The following METTL15 variants were observed in gnomAD, a reference collection of about 807,000 sequenced individuals.
METTL15 encodes the protein methyltransferase 15, mitochondrial 12S rRNA N4-cytidine, also known as 12S rRNA N(4)-cytidine methyltransferase METTL15.
METTL15 carries 34 observed loss-of-function variants against 38.3 expected under a neutral mutation model. The observed-to-expected ratio is 0.89, with a 90% CI of 0.68 to 1.18. The LOEUF (loss-of-function observed/expected upper bound fraction) is 1.18, where lower values mean the gene tolerates loss of function less well. Among genes scored for constraint, METTL15 ranks in the 50% most tolerant of loss-of-function variants. The probability of loss-of-function intolerance (pLI) is 0.00; values close to 1 mark genes in which losing one functional copy is unlikely to be tolerated. For synonymous variants in METTL15, 162 were observed against 170.9 expected (o/e 0.95, Z 0.41); for missense variants, 438 against 498.4 (o/e 0.88, Z 1.15).
At chr11:28,473,705 G>A (rs542363871) in intron 6 of METTL15, among the ~76,000 whole-genome samples, 2 of 152,194 alleles carry the variant, frequency 1.3e-5, no homozygotes, top group African/African-American at 4.8e-5. Flanking sequence ...AGGAGATAAA[G>A]AATGGCATTC....
At chr11:28,217,682 A>G (rs1206451581) in intron 4 of METTL15, among the ~76,000 whole-genome samples, 1 of 152,064 alleles carries the variant, frequency 6.6e-6, no homozygotes. Flanking sequence ...TAGGGTTTTT[A>G]TGGTTTTAGG....
chr11:28,293,339 C>A (rs1235738599), intron 5 of METTL15, among the ~76,000 whole-genome samples: 1 of 152,140 alleles, frequency 6.6e-6, no homozygotes, highest in Non-Finnish European at 1.5e-5. Context: ...TTGTTTTTGT[C>A]AGGTTTGTCA....
intron 4 of METTL15, among the ~76,000 whole-genome samples, chr11:28,218,669 C>A (rs1036378521): frequency 6.6e-6 from 1 of 152,138 alleles, no homozygotes; most frequent in African/African-American, 2.4e-5. Context: ...AGTTTTTGCA[C>A]ATTCAGTATG....
At chr11:28,202,436 C>G (rs962140926) in intron 3 of METTL15, among the ~76,000 whole-genome samples, 1 of 151,936 alleles carries the variant, frequency 6.6e-6, no homozygotes, top group Non-Finnish European at 1.5e-5. Flanking sequence ...ATCTTTCTTA[C>G]ATTGCTGATT....
chr11:28,529,400 G>C (rs1851831507), downstream of METTL15, among the ~76,000 whole-genome samples: 3 of 151,868 alleles, frequency 2.0e-5, no homozygotes, highest in South Asian at 6.2e-4. Flanking sequence ...AAGCACAAAG[G>C]ATGTAACTTT....
At position 28,393,613 on chromosome 11, in the gene METTL15, A is replaced by G. The variant is rs111482575; in HGVS notation, c.*359-30686A>G. Reference sequence around the variant, plus strand: ...AGCCTCTCTACCTGGGCCTACACACAGGGTTACTCGAGAGTTTTCATAGCA... The same window carrying G: ...AGCCTCTCTACCTGGGCCTACACACGGGGTTACTCGAGAGTTTTCATAGCA... On this transcript the variant is annotated intron_variant and NMD_transcript_variant, in intron 5 of 7. Transcript: ENST00000532947. 8.1e-4 allele frequency among the ~76,000 whole-genome samples: 124 copies of G among 152,242 alleles called. 1 individual carries two copies. The Middle Eastern group carries it at 0.014, about 17-fold the overall frequency.
intron 4 of METTL15, among the ~76,000 whole-genome samples, chr11:28,260,854 TTTGA>T (rs550663672): frequency 6.1e-4 from 93 of 152,294 alleles, no homozygotes; most frequent in African/African-American, 2.1e-3. Flanking sequence ...TGAAATTTAC[TTTGA>T]TTGAGCCATA....
chr11:28,413,867 T>G (rs1469284325), intron 5 of METTL15, among the ~76,000 whole-genome samples: 1 of 152,234 alleles, frequency 6.6e-6, no homozygotes, highest in Non-Finnish European at 1.5e-5. Flanking sequence ...GTGGTCCCTC[T>G]AATCTAGTCT....
intron 4 of METTL15, among the ~76,000 whole-genome samples, chr11:28,239,463 T>C (rs1416040997): frequency 6.6e-6 from 1 of 152,210 alleles, no homozygotes; most frequent in Non-Finnish European, 1.5e-5. Context: ...ACCACCCTGG[T>C]CCAGGCCACC....
chr11:28,241,098 C>G (rs1854273778), intron 4 of METTL15, among the ~76,000 whole-genome samples: 2 of 152,100 alleles, frequency 1.3e-5, no homozygotes, highest in African/African-American at 4.8e-5. Context: ...GTGCCAGGTA[C>G]TTTTCTCAGT....
intron 2 of METTL15, among the ~76,000 whole-genome samples, chr11:28,111,805 A>G (rs921090933): frequency 6.6e-6 from 1 of 152,196 alleles, no homozygotes; most frequent in Non-Finnish European, 1.5e-5. Flanking sequence ...AGTGCTAAAT[A>G]AATGTTAGCT....
At chr11:28,308,635 A>T (rs1024203747) in intron 6 of METTL15, among the ~76,000 whole-genome samples, 4 of 152,136 alleles carry the variant, frequency 2.6e-5, no homozygotes, top group Non-Finnish European at 4.4e-5. Context: ...CAGTTATCTT[A>T]TATGAGCCGG....
intron 6 of METTL15, among the ~76,000 whole-genome samples, chr11:28,487,723 C>T (rs1851450080): frequency 6.6e-6 from 1 of 152,104 alleles, no homozygotes; most frequent in South Asian, 2.1e-4. Flanking sequence ...TAGCCCAATC[C>T]ACTGCCTTAT....
intron 5 of METTL15, among the ~76,000 whole-genome samples, chr11:28,362,519 A>C (rs1191901014): frequency 6.6e-6 from 1 of 152,128 alleles, no homozygotes; most frequent in African/African-American, 2.4e-5. Context: ...CCCAGTGTCT[A>C]TTGTTCCCAT....
At chr11:28,191,730 ACTC>A (rs758294033) in intron 3 of METTL15, among the ~76,000 whole-genome samples, 24 of 151,532 alleles carry the variant, frequency 1.6e-4, no homozygotes, top group Non-Finnish European at 2.5e-4. Context: ...AATTAGATAA[ACTC>A]CTGAAAGGCA....
intron 3 of METTL15, among the ~76,000 whole-genome samples, chr11:28,138,496 G>C (rs1318823683): frequency 6.6e-6 from 1 of 152,186 alleles, no homozygotes; most frequent in African/African-American, 2.4e-5. Context: ...TCAAGGTTAT[G>C]GCTTAACTGT....
intron 3 of METTL15, among the ~76,000 whole-genome samples, chr11:28,173,967 T>C (rs1850955881): frequency 6.6e-6 from 1 of 152,220 alleles, no homozygotes; most frequent in African/African-American, 2.4e-5. Context: ...ACTATCAATA[T>C]GATTTTTCAT....
intron 5 of METTL15, 58 bp downstream of exon 5, chr11:28,290,455 CTG>C: frequency 6.6e-7 from 1 of 1,505,724 alleles, no homozygotes; most frequent in Non-Finnish European, 9.0e-7. Flanking sequence ...CAAAAACACT[CTG>C]AATTTAATTT....
intron 3 of METTL15, among the ~76,000 whole-genome samples, chr11:28,157,507 C>T (rs1850303371): frequency 6.6e-6 from 1 of 152,172 alleles, no homozygotes; most frequent in Non-Finnish European, 1.5e-5. Context: ...ACATCTTCTG[C>T]AGATAACTAC....
Sources: allele counts gnomAD v4.1 joint callset (sites outside exome capture counted in the v4.1 genomes callset), GRCh38; gene constraint gnomAD v4.1.1; transcripts MANE v1.5; gene names NCBI Gene and HGNC (gene_info 2026-07-23, HGNC 2026-07-21).